Variants in CLVS1 observed in about 807,000 individuals in gnomAD.
CLVS1 encodes clavesin 1.
CLVS1 carries 10 observed loss-of-function variants against 33.1 expected under a neutral mutation model. The observed-to-expected ratio is 0.30, with a 90% confidence interval of 0.19 to 0.51. CLVS1 has a LOEUF of 0.51. Among genes scored for constraint, CLVS1 ranks in the 20% least tolerant of loss-of-function variants. The pLI is 0.97. For synonymous variants in CLVS1, 163 were observed against 166.1 expected (o/e 0.98, Z 0.14); for missense variants, 343 against 433.4 (o/e 0.79, Z 1.85).
the CLVS1 span, among the ~76,000 whole-genome samples, chr8:61,049,815 A>G: frequency 6.6e-6 from 1 of 152,264 alleles, no homozygotes; most frequent in African/African-American, 2.4e-5. Context: ...GCCACATTCC[A>G]TAATGAGTCT....
rs923731537 is a variant in CLVS1, at chr8:61,093,587, A to G, written c.-243+36357A>G. On this transcript the variant is annotated intron_variant, in intron 1 of 2. Transcript: ENST00000522621. ...TGAAGGAAATGTCAGTGTTAAATCT[A>G]TAGACAGTCCCTTTAGTGCTGCATG... Among the ~76,000 whole-genome samples, 4 of 152,382 alleles carry G rather than the reference A, an allele frequency of 2.6e-5. No individual in the cohort carries two copies. The East Asian group carries it at 7.7e-4, about 29-fold the overall frequency.
chr8:61,370,855 G>T (rs952842541), intron 2 of CLVS1, among the ~76,000 whole-genome samples: 4 of 151,974 alleles, frequency 2.6e-5, no homozygotes, highest in Non-Finnish European at 5.9e-5. Flanking sequence ...TTATGTTTGG[G>T]TAGTATTCCA....
At chr8:61,474,123 A>G (rs2129607849) in intron 5 of CLVS1, among the ~76,000 whole-genome samples, 1 of 152,338 alleles carries the variant, frequency 6.6e-6, no homozygotes, top group Non-Finnish European at 1.5e-5. Context: ...GAGGAAGTTC[A>G]GTATTTGAAT....
At chr8:61,367,307 T>A (rs1366157807) in intron 2 of CLVS1, among the ~76,000 whole-genome samples, 3 of 152,194 alleles carry the variant, frequency 2.0e-5, no homozygotes, top group Non-Finnish European at 4.4e-5. Context: ...TCTGATCTTA[T>A]TTTTACCTTC....
At chr8:61,476,582 G>A (rs1449375251) in intron 5 of CLVS1, among the ~76,000 whole-genome samples, 1 of 152,116 alleles carries the variant, frequency 6.6e-6, no homozygotes, top group Non-Finnish European at 1.5e-5. Flanking sequence ...GTTCACTCAT[G>A]ATTTGGCTCT....
intron 3 of CLVS1, among the ~76,000 whole-genome samples, chr8:61,419,873 T>C (rs1815588006): frequency 6.6e-6 from 1 of 152,250 alleles, no homozygotes; most frequent in African/African-American, 2.4e-5. Flanking sequence ...AAGACTGACT[T>C]CTAAACTAGA....
chr8:61,121,930 C>A (rs1805879211), intron 1 of CLVS1, among the ~76,000 whole-genome samples: 1 of 152,140 alleles, frequency 6.6e-6, no homozygotes. Flanking sequence ...AAAGTGCCAG[C>A]AAAATAAAGA....
At chr8:61,433,409 A>G (rs1304341995) in intron 3 of CLVS1, among the ~76,000 whole-genome samples, 1 of 152,198 alleles carries the variant, frequency 6.6e-6, no homozygotes, top group Non-Finnish European at 1.5e-5. Flanking sequence ...AATTACAGCT[A>G]CCTGTTTGTG....
At chr8:61,497,833 G>A (rs183134685) in intron 5 of CLVS1, among the ~76,000 whole-genome samples, 6 of 152,240 alleles carry the variant, frequency 3.9e-5, no homozygotes, top group Admixed American at 2.0e-4. Flanking sequence ...CTAAGCAAGG[G>A]GTAGATTATT....
At chr8:61,227,161 A>T (rs1428996688) in intron 2 of CLVS1, among the ~76,000 whole-genome samples, 1 of 152,080 alleles carries the variant, frequency 6.6e-6, no homozygotes, top group Non-Finnish European at 1.5e-5. Flanking sequence ...AGCAGTGTAG[A>T]TGTGTCCTAA....
chr8:61,389,999 C>T (rs956966174), intron 3 of CLVS1, among the ~76,000 whole-genome samples: 3 of 151,990 alleles, frequency 2.0e-5, no homozygotes, highest in African/African-American at 7.2e-5. Flanking sequence ...TTTAGATTTC[C>T]CAAAATGGAA....
At chr8:61,298,205 G>A (rs531888386) in intron 1 of CLVS1, among the ~76,000 whole-genome samples, 53 of 152,082 alleles carry the variant, frequency 3.5e-4, no homozygotes, top group Non-Finnish European at 7.1e-4. Flanking sequence ...TTTAACATCA[G>A]GTGGGCATTG....
At chr8:61,026,816 A>G in the CLVS1 span, among the ~76,000 whole-genome samples, 8 of 152,220 alleles carry the variant, frequency 5.3e-5, no homozygotes, top group Admixed American at 2.0e-4. Context: ...TTTGGAACAG[A>G]GTTAAACTCT....
chr8:61,334,116 G>A (rs989597477), intron 2 of CLVS1, among the ~76,000 whole-genome samples: 3 of 152,190 alleles, frequency 2.0e-5, no homozygotes, highest in African/African-American at 4.8e-5. Context: ...GGACATTTAG[G>A]TTGATTTAGA....
chr8:61,437,815 T>A (rs1816392112), intron 3 of CLVS1, among the ~76,000 whole-genome samples: 1 of 152,184 alleles, frequency 6.6e-6, no homozygotes, highest in African/African-American at 2.4e-5. Flanking sequence ...TTGCTTTGTT[T>A]GAATTAGTAA....
chr8:61,478,857 A>T (rs1410277551), intron 5 of CLVS1, among the ~76,000 whole-genome samples: 2 of 152,094 alleles, frequency 1.3e-5, no homozygotes, highest in Admixed American at 6.6e-5. Flanking sequence ...TGATCCTGTC[A>T]TTGAAATTCT....
chr8:61,250,986 T>G (rs1808932317), intron 2 of CLVS1, among the ~76,000 whole-genome samples: 1 of 152,380 alleles, frequency 6.6e-6, no homozygotes, highest in Non-Finnish European at 1.5e-5. Flanking sequence ...CATCCTTGTC[T>G]TGTGCCAGTT....
chr8:61,052,751 A>T (rs1286429894), upstream of CLVS1, among the ~76,000 whole-genome samples: 1 of 152,088 alleles, frequency 6.6e-6, no homozygotes, highest in Non-Finnish European at 1.5e-5. Context: ...CTGCTGTGAG[A>T]GTTTCCCTCT....
intron 5 of CLVS1, among the ~76,000 whole-genome samples, chr8:61,498,458 C>A (rs1212438951): frequency 6.6e-6 from 1 of 152,178 alleles, no homozygotes. Context: ...AACAATTTAA[C>A]CATTTTCATG....
Sources: allele counts gnomAD v4.1 joint callset (sites outside exome capture counted in the v4.1 genomes callset), GRCh38; gene constraint gnomAD v4.1.1; transcripts MANE v1.5; gene names NCBI Gene and HGNC (gene_info 2026-07-23, HGNC 2026-07-21).